The following CDKN1A variants were observed in gnomAD, a reference collection of about 807,000 sequenced individuals.
CDKN1A encodes the protein cyclin dependent kinase inhibitor 1A.
CDKN1A carries 14 observed loss-of-function variants against 14.8 expected under a neutral mutation model. That is an observed-to-expected ratio of 0.94 (90% CI 0.62 to 1.48). The LOEUF is 1.48. CDKN1A is among the 40% of genes most tolerant of loss of function. The pLI is 0.00. For missense variants in CDKN1A, 203 were observed against 231.7 expected (o/e 0.88, Z 0.80); for synonymous variants, 92 against 93.5 (o/e 0.98, Z 0.09).
Position 36,681,389 on chromosome 6 carries a change from CTTTCTTTCTTTCTTTCTTCCTT to C in CDKN1A, c.-6+2593_-6+2614del, listed in dbSNP as rs1562038405. Among the ~76,000 whole-genome samples the C allele has an allele frequency of 6.9e-4, 57 of 82,632 alleles. 1 individual carries two copies. Among genetic ancestry groups the C allele is most frequent in the Middle Eastern group, 5.6e-3 (1 of 180 alleles). 54.2% of individuals were successfully genotyped at this position (82,632 alleles called of 152,430 possible). On this transcript the variant is annotated intron_variant, in intron 1 of 2. Coordinates refer to ENST00000244741, the MANE Select transcript of CDKN1A (RefSeq NM_000389.5). ...TCTTTCTTTCTTTCTTTCTTTCTTT[CTTTCTTTCTTTCTTTCTTCCTT>C]TCTCTTTCTCTCTTTCTTTCTCTTT... is the stretch of plus-strand genomic sequence containing the variant.
At position 36,684,237 on chromosome 6, in the gene CDKN1A, C is replaced by T. The variant is rs762978904; in HGVS notation, c.136C>T (p.Arg46Cys). The part of the protein sequence containing the change: ...ALMAGCIQEA[R>C]ERWNFDFVTE... The stretch of plus-strand genomic sequence containing the variant: ...AATGGCGGGCTGCATCCAGGAGGCC[C>T]GTGAGCGATGGAACTTCGACTTTGT... Residue 46 changes from arginine to cysteine, a missense_variant, in exon 2 of 3, where the codon CGT becomes TGT. By Grantham distance (180) the Arg-to-Cys change is radical (BLOSUM62 -3). Coordinates refer to ENST00000244741, the MANE Select transcript of CDKN1A (RefSeq NM_000389.5). The surrounding 1 kb of genome is among the most constrained non-coding windows in gnomAD (Gnocchi z 6.0). 21 of 1,612,154 alleles carry T rather than the reference C, an allele frequency of 1.3e-5. No individual in the cohort carries two copies. The highest frequency in any genetic ancestry group is 1.1e-4 in the East Asian group (5 of 44,888).
intron 1 of CDKN1A, among the ~76,000 whole-genome samples, chr6:36,682,972 CCCT>C (rs1320626052): frequency 1.3e-5 from 2 of 152,198 alleles, no homozygotes; most frequent in African/African-American, 4.8e-5. Context: ...CCCGCCCGGC[CCCT>C]CCTTACCCCT....
intron 1 of CDKN1A, among the ~76,000 whole-genome samples, chr6:36,681,334 T>TTCTTTCTTTC (rs780161958): frequency 1.2e-5 from 1 of 86,134 alleles, no homozygotes; most frequent in Non-Finnish European, 2.5e-5. Context: ...CTTTCTTTCT[T>TTCTTTCTTTC]TTTCTTTCTT....
Position 36,681,392 on chromosome 6 carries a change from T to TCTTC in CDKN1A, c.-6+2597_-6+2598insCCTT, listed in dbSNP as rs1562038412. Among the ~76,000 whole-genome samples, 30 of 106,860 alleles carry TCTTC rather than the reference T, an allele frequency of 2.8e-4. 2 individuals are homozygous for TCTTC. In the Admixed American group the frequency reaches 3.0e-3, roughly 11 times the overall value. The allele number at this position is 106,860 out of a possible 152,430, so 70.1% of individuals were successfully genotyped here. A position where few individuals can be genotyped will look rare whatever the true frequency, so the allele number is the denominator to read the frequency against. On this transcript the variant is annotated intron_variant, in intron 1 of 2. Coordinates refer to ENST00000244741, the MANE Select transcript of CDKN1A (RefSeq NM_000389.5). ...TTCTTTCTTTCTTTCTTTCTTTCTT[T>TCTTC]CTTTCTTTCTTTCTTCCTTTCTCTT...
At chr6:36,681,258 A>G (rs1010750217) in intron 1 of CDKN1A, among the ~76,000 whole-genome samples, 1 of 90,082 alleles carries the variant, frequency 1.1e-5, no homozygotes, top group African/African-American at 4.2e-5. Context: ...AAAACTCCCT[A>G]GGTGCTTTTC....
At chr6:36,680,396 T>C (rs1334496006) in intron 1 of CDKN1A, 1 of 150,814 alleles carries the variant, frequency 6.6e-6, no homozygotes, top group Non-Finnish European at 1.5e-5. Flanking sequence ...GCGGCGGGAG[T>C]TTCGGAAGCC....
chr6:36,684,533 G>A lies in CDKN1A; in HGVS notation c.432G>A (p.Gln144=), dbSNP rs761004279. The A allele has an allele frequency of 6.2e-7, 1 of 1,614,008 alleles. No individual in the cohort carries two copies. The highest frequency in any genetic ancestry group is 1.7e-5 in the Admixed American group (1 of 60,012). ...ACTCTCAGGGTCGAAAACGGCGGCA[G>A]ACCAGCATGACAGGTGCGGACATGT... ...PGDSQGRKRR[Q]TSMTDFYHSK... Residue 144 remains glutamine, a synonymous_variant, in exon 2 of 3, where the codon CAG becomes CAA. Transcript: ENST00000244741. The surrounding 1 kb of genome is among the most constrained non-coding windows in gnomAD (Gnocchi z 6.0).
intron 1 of CDKN1A, among the ~76,000 whole-genome samples, chr6:36,680,144 C>T (rs1160117072): frequency 6.6e-6 from 1 of 152,164 alleles, no homozygotes; most frequent in African/African-American, 2.4e-5. Flanking sequence ...CTCTCCTTGC[C>T]TCCCTCCACG....
rs1309904851 is a variant in CDKN1A, at chr6:36,681,393, CTT to C, written c.-6+2597_-6+2598del. On this transcript the variant is annotated intron_variant, in intron 1 of 2. Transcript: ENST00000244741. The stretch of plus-strand genomic sequence containing the variant: ...TCTTTCTTTCTTTCTTTCTTTCTTT[CTT>C]TCTTTCTTTCTTCCTTTCTCTTTCT... 8.7e-4 allele frequency among the ~76,000 whole-genome samples: 78 copies of C among 90,144 alleles called. 4 individuals carry two copies. The highest frequency in any genetic ancestry group is 6.1e-3 in the South Asian group (15 of 2,472). The allele number at this position is 90,144 out of a possible 152,430, so 59.1% of individuals were successfully genotyped here.
At position 36,678,731 on chromosome 6, in the gene CDKN1A, C is replaced by G. The variant is rs1049740495; in HGVS notation, c.-73C>G. ...CGCCAGCTGAGGTGTGAGCAGCTGCCGAAGTCAGTTCCTTGTGGAGCCGGA... is the reference window on the plus strand; with the variant it reads ...CGCCAGCTGAGGTGTGAGCAGCTGCGGAAGTCAGTTCCTTGTGGAGCCGGA... On this transcript the variant is annotated 5_prime_UTR_variant, in exon 1 of 3. Coordinates refer to ENST00000244741, the MANE Select transcript of CDKN1A (RefSeq NM_000389.5). This position sits in a 1 kb window ranked among gnomAD's most constrained non-coding sequence, Gnocchi z 5.7. 5 of 985,418 alleles carry G rather than the reference C, an allele frequency of 5.1e-6. No homozygotes were observed. Among genetic ancestry groups the G allele is most frequent in the South Asian group, 4.7e-5 (1 of 21,302 alleles). 61.0% of individuals were successfully genotyped at this position (985,418 alleles called of 1,614,324 possible). A position where few individuals can be genotyped will look rare whatever the true frequency, so the allele number is the denominator to read the frequency against.
rs1194188901 is a variant in CDKN1A at position 36,687,233 on chromosome 6, G to C, written c.*1433G>C. 8.6e-6 allele frequency: 2 copies of C among 232,956 alleles called. No homozygotes were observed. The highest frequency in any genetic ancestry group is 1.7e-5 in the Non-Finnish European group (2 of 118,006). The allele number at this position is 232,956 out of a possible 1,614,324, so 14.4% of individuals were successfully genotyped here. A position where few individuals can be genotyped will look rare whatever the true frequency, so the allele number is the denominator to read the frequency against. On this transcript the variant is annotated 3_prime_UTR_variant, in exon 3 of 3. Coordinates refer to ENST00000244741, the MANE Select transcript of CDKN1A (RefSeq NM_000389.5). ...TCCACCTAGACTGTAAACCTCTCGA[G>C]GGCAGGGACCACACCCTGTACTGTT...
In CDKN1A at chr6:36,686,136, A is replaced by C. The variant is rs1582587523; in HGVS notation, c.*336A>C. ...TCATGCCAGCTACTTCCTCCTCCCCACTTGTCCGCTGGGTGGTACCCTCTG... is the reference window on the plus strand; with the variant it reads ...TCATGCCAGCTACTTCCTCCTCCCCCCTTGTCCGCTGGGTGGTACCCTCTG... On this transcript the variant is annotated 3_prime_UTR_variant, in exon 3 of 3. Transcript: ENST00000244741. This position sits in a 1 kb window ranked among gnomAD's most constrained non-coding sequence, Gnocchi z 4.9. 1 of 461,812 alleles carries C rather than the reference A, an allele frequency of 2.2e-6. No individual in the cohort carries two copies. Among genetic ancestry groups the C allele is most frequent in the Non-Finnish European group, 4.0e-6 (1 of 252,704 alleles). 28.6% of individuals were successfully genotyped at this position (461,812 alleles called of 1,614,324 possible).
intron 2 of CDKN1A, among the ~76,000 whole-genome samples, chr6:36,685,021 G>A (rs1762153080): frequency 1.3e-5 from 2 of 152,092 alleles, no homozygotes; most frequent in East Asian, 1.9e-4. Context: ...TTGAGTTTTT[G>A]TAGAGACAAG....
At chr6:36,681,193 C>T (rs1347449069) in intron 1 of CDKN1A, among the ~76,000 whole-genome samples, 3 of 152,182 alleles carry the variant, frequency 2.0e-5, no homozygotes, top group East Asian at 1.9e-4. Context: ...CTTGAATCTT[C>T]AATCTGGATT....
At position 36,678,975 on chromosome 6, in the gene CDKN1A, T is replaced by G; in HGVS notation, c.-6+177T>G. On this transcript the variant is annotated intron_variant, in intron 1 of 2. Transcript: ENST00000244741. This position sits in a 1 kb window ranked among gnomAD's most constrained non-coding sequence, Gnocchi z 5.7. ...GGCGTGGGTCGGTGCGCGCTCGGCT[T>G]GCGCACACGGTGTCTCTAAGTGCGC... 1 of 981,434 alleles carries G rather than the reference T, an allele frequency of 1.0e-6. No homozygotes were observed. Among genetic ancestry groups the G allele is most frequent in the Non-Finnish European group, 1.2e-6 (1 of 828,478 alleles). The allele number at this position is 981,434 out of a possible 1,614,324, so 60.8% of individuals were successfully genotyped here. A position where few individuals can be genotyped will look rare whatever the true frequency, so the allele number is the denominator to read the frequency against.
At chr6:36,677,712 G>A (rs1318244608), upstream of CDKN1A, 2 of 448,566 alleles carry the variant, frequency 4.5e-6, no homozygotes, top group Non-Finnish European at 8.4e-6. Context: ...AGGATGACAA[G>A]CAGAGAGCCC....
chr6:36,686,408 GA>G lies in CDKN1A; in HGVS notation c.*609del, dbSNP rs2150316042. ...GGGACCTGGTACCCTCCTGGCTCTTGATACCCCCCTCTGTCTTGTGAAGGCA... is the reference window on the plus strand; with the variant it reads ...GGGACCTGGTACCCTCCTGGCTCTTGTACCCCCCTCTGTCTTGTGAAGGCA... On this transcript the variant is annotated 3_prime_UTR_variant, in exon 3 of 3. Coordinates refer to ENST00000244741, the MANE Select transcript of CDKN1A (RefSeq NM_000389.5). The surrounding 1 kb of genome is among the most constrained non-coding windows in gnomAD (Gnocchi z 4.9). The G allele has an allele frequency of 4.1e-6, 1 of 241,302 alleles. No individual in the cohort carries two copies. Among genetic ancestry groups the G allele is most frequent in the African/African-American group, 2.2e-5 (1 of 45,478 alleles). 14.9% of individuals were successfully genotyped at this position (241,302 alleles called of 1,614,324 possible).
Position 36,684,690 on chromosome 6 carries a change from T to C in CDKN1A, c.445+144T>C. 1.3e-6 allele frequency: 1 copy of C among 764,456 alleles called. No homozygotes were observed. The allele number at this position is 764,456 out of a possible 1,614,324, so 47.4% of individuals were successfully genotyped here. On this transcript the variant is annotated intron_variant, in intron 2 of 2. Transcript: ENST00000244741. This position sits in a 1 kb window ranked among gnomAD's most constrained non-coding sequence, Gnocchi z 6.0. ...GAGAGGGGAAGCAACCTCCCTGAGG[T>C]CACACAGCAAGTAGGCAGCAAAGAC...
intron 1 of CDKN1A, among the ~76,000 whole-genome samples, chr6:36,681,352 T>TTCTC (rs1260477955): frequency 3.3e-5 from 3 of 90,584 alleles, no homozygotes; most frequent in African/African-American, 4.5e-5. Context: ...CTTTCTTTCT[T>TTCTC]TTTCTTTCTT....
Sources: allele counts gnomAD v4.1 joint callset (sites outside exome capture counted in the v4.1 genomes callset), GRCh38; gene constraint gnomAD v4.1.1; non-coding constraint Gnocchi (gnomAD v3.1); transcripts MANE v1.5; gene names NCBI Gene and HGNC (gene_info 2026-07-23, HGNC 2026-07-21).